Variants in RRAGD observed in about 807,000 individuals in gnomAD.
The protein encoded by RRAGD is Ras related GTP binding D.
A neutral mutation model predicts 35.5 loss-of-function variants in RRAGD; 12 were observed. The ratio of observed to expected loss-of-function variants is 0.34; its 90% confidence interval spans 0.22 to 0.55. The LOEUF (loss-of-function observed/expected upper bound fraction) is 0.55, where lower values mean the gene tolerates loss of function less well. Among genes scored for constraint, RRAGD ranks in the 20% least tolerant of loss-of-function variants. RRAGD has a pLI of 0.91. For synonymous variants in RRAGD, 155 were observed against 178.9 expected, an observed-to-expected ratio of 0.87 and a Z score of 1.07; for missense variants, 324 against 490.1, an observed-to-expected ratio of 0.66 and a Z score of 3.20.
rs539417978 is a variant in RRAGD, at chr6:89,367,567, C to T, written c.*489G>A. 2.0e-5 allele frequency: 3 copies of T among 152,432 alleles called. No homozygotes were observed. Among genetic ancestry groups the T allele is most frequent in the African/African-American group, 7.2e-5 (3 of 41,546 alleles). The allele number at this position is 152,432 out of a possible 1,614,324, so 9.4% of individuals were successfully genotyped here. A position where few individuals can be genotyped will look rare whatever the true frequency, so the allele number is the denominator to read the frequency against. ...AGCTCCACTGAAAAATGATTTTTCT[C>T]AACAATTGGTAGCAAAGATTTCCAA... On this transcript the variant is annotated 3_prime_UTR_variant, in exon 7 of 7. Transcript: ENST00000369415.
chr6:89,398,737 A>G (rs1769389589), intron 1 of RRAGD, among the ~76,000 whole-genome samples: 1 of 152,214 alleles, frequency 6.6e-6, no homozygotes, highest in African/African-American at 2.4e-5. Context: ...TCCTTCAAGA[A>G]TAGATATTAT....
intron 2 of RRAGD, among the ~76,000 whole-genome samples, chr6:89,386,104 C>G (rs1582512495): frequency 3.9e-5 from 6 of 152,340 alleles, no homozygotes; most frequent in Non-Finnish European, 1.5e-5. Flanking sequence ...CAACCTGAAC[C>G]TCAGAGTTGG....
At chr6:89,393,368 A>T (rs1769273162) in intron 1 of RRAGD, among the ~76,000 whole-genome samples, 1 of 152,248 alleles carries the variant, frequency 6.6e-6, no homozygotes, top group Non-Finnish European at 1.5e-5. Flanking sequence ...GACAAGCAAC[A>T]GAGTCATTAT....
chr6:89,411,614 C>T lies in RRAGD; in HGVS notation c.148+232G>A. 1 of 562,302 alleles carries T rather than the reference C, an allele frequency of 1.8e-6. No homozygotes were observed. The highest frequency in any genetic ancestry group is 3.3e-5 in the East Asian group (1 of 30,564). 34.8% of individuals were successfully genotyped at this position (562,302 alleles called of 1,614,324 possible). A position where few individuals can be genotyped will look rare whatever the true frequency, so the allele number is the denominator to read the frequency against. Reference sequence around the variant, plus strand: ...CCTCCAGCCCAGACGCTTACTCCCTCCTTCCCCTTTTCCACCGATCCTGGT... The same window carrying T: ...CCTCCAGCCCAGACGCTTACTCCCTTCTTCCCCTTTTCCACCGATCCTGGT... On this transcript the variant is annotated intron_variant, in intron 1 of 6. Transcript: ENST00000369415. The surrounding 1 kb of genome is among the most constrained non-coding windows in gnomAD (Gnocchi z 5.6).
At chr6:89,377,035 A>G (rs927439251) in intron 5 of RRAGD, among the ~76,000 whole-genome samples, 1 of 152,144 alleles carries the variant, frequency 6.6e-6, no homozygotes, top group African/African-American at 2.4e-5. Context: ...ATGATGACCC[A>G]CTTCCATTTA....
At chr6:89,406,389 C>T (rs750028795) in intron 1 of RRAGD, among the ~76,000 whole-genome samples, 1 of 152,118 alleles carries the variant, frequency 6.6e-6, no homozygotes, top group African/African-American at 2.4e-5. Flanking sequence ...TACAGAAACC[C>T]AAGACCCAAG....
At chr6:89,380,861 C>T (rs1336286665) in intron 2 of RRAGD, among the ~76,000 whole-genome samples, 1 of 149,048 alleles carries the variant, frequency 6.7e-6, no homozygotes, top group Non-Finnish European at 1.5e-5. Context: ...GAGCTGAGAT[C>T]ACACCACTGT....
chr6:89,369,321 T>C (rs1768818151), intron 6 of RRAGD, among the ~76,000 whole-genome samples: 1 of 152,212 alleles, frequency 6.6e-6, no homozygotes, highest in Non-Finnish European at 1.5e-5. Context: ...TAAATGGCAA[T>C]TTGAATATGA....
intron 1 of RRAGD, among the ~76,000 whole-genome samples, chr6:89,392,195 T>A (rs1190889477): frequency 6.6e-6 from 1 of 152,030 alleles, no homozygotes; most frequent in African/African-American, 2.4e-5. Context: ...GAAAAGGAGC[T>A]GGGCACAGTG....
intron 1 of RRAGD, among the ~76,000 whole-genome samples, chr6:89,393,745 T>C (rs1163656502): frequency 6.6e-6 from 1 of 152,180 alleles, no homozygotes; most frequent in Non-Finnish European, 1.5e-5. Flanking sequence ...AATGTACACC[T>C]GAAGAAGCAG....
intron 2 of RRAGD, among the ~76,000 whole-genome samples, chr6:89,382,034 A>G (rs1283120348): frequency 6.6e-6 from 1 of 151,600 alleles, no homozygotes; most frequent in Admixed American, 6.6e-5. Flanking sequence ...AAAAAAAGGA[A>G]AGAGACCTGT....
intron 2 of RRAGD, among the ~76,000 whole-genome samples, chr6:89,380,608 G>T (rs1326358850): frequency 2.0e-5 from 3 of 152,202 alleles, no homozygotes; most frequent in Admixed American, 2.0e-4. Context: ...GTTGATGACA[G>T]TCATAAAGAT....
Position 89,380,193 on chromosome 6 carries a change from C to T in RRAGD, c.619G>A (p.Ala207Thr). ...CTGAGGTGAATTTTTTCTAATCCAG[C>T]ATCTGCAAGGTCATCGTTTGCCCTC... ...HQRANDDLAD[A>T]GLEKIHLSFY... The change falls in exon 3 of 7, where the codon GCT becomes ACT. Residue 207 changes from alanine to threonine, a missense_variant. Around this residue, in one of 5 missense-constraint regions of RRAGD, gnomAD observed 152 missense variants for 296.9 expected, o/e 0.51. Transcript: ENST00000369415. The T allele has an allele frequency of 6.2e-7, 1 of 1,614,236 alleles. No homozygotes were observed. Among genetic ancestry groups the T allele is most frequent in the South Asian group, 1.1e-5 (1 of 91,082 alleles).
At position 89,404,299 on chromosome 6, in the gene RRAGD, T is replaced by G. The variant is rs1286669318; in HGVS notation, c.148+7547A>C. 2.0e-5 allele frequency among the ~76,000 whole-genome samples: 3 copies of G among 152,244 alleles called. No homozygotes were observed. The East Asian group carries it at 5.8e-4, about 29-fold the overall frequency. ...CTCAGTGCTTACCCACAACAAACACTCAATAGATGTTTGTTGGGATGATTA... is the reference window on the plus strand; with the variant it reads ...CTCAGTGCTTACCCACAACAAACACGCAATAGATGTTTGTTGGGATGATTA... On this transcript the variant is annotated intron_variant, in intron 1 of 6. Coordinates refer to ENST00000369415, the MANE Select transcript of RRAGD (RefSeq NM_021244.5).
At chr6:89,400,832 C>T (rs983312381) in intron 1 of RRAGD, among the ~76,000 whole-genome samples, 6 of 152,092 alleles carry the variant, frequency 3.9e-5, no homozygotes, top group South Asian at 2.1e-4. Flanking sequence ...AAGGAGCAAT[C>T]GGGGGACAAG....
intron 5 of RRAGD, among the ~76,000 whole-genome samples, chr6:89,372,957 T>C (rs1399824406): frequency 1.3e-5 from 2 of 152,266 alleles, no homozygotes; most frequent in African/African-American, 2.4e-5. Flanking sequence ...GCTGAAGATA[T>C]GTTCCAAATT....
chr6:89,410,016 C>A (rs971682362), intron 1 of RRAGD, among the ~76,000 whole-genome samples: 10 of 152,342 alleles, frequency 6.6e-5, no homozygotes, highest in South Asian at 2.1e-4. Flanking sequence ...CAGTTACAGG[C>A]AAGTTTGCCT....
At position 89,366,702 on chromosome 6, in the gene RRAGD, CT is replaced by C. The variant is rs984933572; in HGVS notation, c.*1353del. Reference sequence around the variant, plus strand: ...ACCCTTGAGATGCACGTAAAATTATCTACTTGGAATGATTTGGCATAGGGGT... The same window carrying C: ...ACCCTTGAGATGCACGTAAAATTATCACTTGGAATGATTTGGCATAGGGGT... On this transcript the variant is annotated 3_prime_UTR_variant, in exon 7 of 7. Transcript: ENST00000369415. The C allele has an allele frequency of 2.6e-5, 4 of 151,898 alleles. No individual in the cohort carries two copies. The highest frequency in any genetic ancestry group is 2.0e-4 in the Admixed American group (3 of 15,256). The allele number at this position is 151,898 out of a possible 1,614,324, so 9.4% of individuals were successfully genotyped here. A position where few individuals can be genotyped will look rare whatever the true frequency, so the allele number is the denominator to read the frequency against.
At chr6:89,401,153 G>C (rs1172644877) in intron 1 of RRAGD, among the ~76,000 whole-genome samples, 1 of 152,200 alleles carries the variant, frequency 6.6e-6, no homozygotes, top group Non-Finnish European at 1.5e-5. Context: ...ATGAATGAGG[G>C]AAAGGTTGTT....
Sources: allele counts gnomAD v4.1 joint callset (sites outside exome capture counted in the v4.1 genomes callset), GRCh38; gene constraint gnomAD v4.1.1; regional missense constraint gnomAD v4.1.1; non-coding constraint Gnocchi (gnomAD v3.1); transcripts MANE v1.5; gene names NCBI Gene and HGNC (gene_info 2026-07-23, HGNC 2026-07-21).